The following GRIK2 variants were observed in gnomAD, a reference collection of about 807,000 sequenced individuals.
The protein encoded by GRIK2 is glutamate ionotropic receptor kainate type subunit 2.
Under a neutral mutation model 100.3 loss-of-function variants are expected in GRIK2, and 32 were observed. That is an observed-to-expected ratio of 0.32 (90% CI 0.24 to 0.43). GRIK2 has a LOEUF of 0.43. Among genes scored for constraint, GRIK2 ranks in the 20% least tolerant of loss-of-function variants. The pLI is 1.00. For missense variants in GRIK2, 843 were observed against 1,114.9 expected (o/e 0.76, Z 3.47); for synonymous variants, 417 against 389.4 (o/e 1.07, Z -0.83).
intron 14 of GRIK2, among the ~76,000 whole-genome samples, chr6:101,994,422 A>G (rs1204732673): frequency 1.3e-5 from 2 of 151,840 alleles, no homozygotes; most frequent in Non-Finnish European, 2.9e-5. Flanking sequence ...AATAGTGAAT[A>G]ATTTGTTTTT....
chr6:101,600,615 A>C (rs1733981422), intron 2 of GRIK2, among the ~76,000 whole-genome samples: 1 of 151,596 alleles, frequency 6.6e-6, no homozygotes, highest in African/African-American at 2.4e-5. Context: ...GAGAACTTTC[A>C]CCCTGTTGGT....
intron 2 of GRIK2, among the ~76,000 whole-genome samples, chr6:101,505,426 T>G (rs1773972481): frequency 6.6e-6 from 1 of 152,142 alleles, no homozygotes. Context: ...GCTTGCCAAC[T>G]CTTTCTCCTT....
chr6:101,906,201 C>G (rs1788208662), intron 12 of GRIK2, among the ~76,000 whole-genome samples: 1 of 151,532 alleles, frequency 6.6e-6, no homozygotes, highest in Non-Finnish European at 1.5e-5. Context: ...CCTATGTGAG[C>G]CTAGAATATT....
At position 102,049,573 on chromosome 6, in the gene GRIK2, T is replaced by C. The variant is rs556463590; in HGVS notation, c.2312-5757T>C. 3.3e-5 allele frequency among the ~76,000 whole-genome samples: 5 copies of C among 152,168 alleles called. No individual in the cohort carries two copies. In the South Asian group the frequency reaches 1.0e-3, roughly 31 times the overall value. On this transcript the variant is annotated intron_variant, in intron 15 of 16. Transcript: ENST00000369134. ...TGGAAGCCTTTACTTTGCTAATGTA[T>C]AATGTGAATTTGCATGAGATATATT...
chr6:101,437,417 A>C (rs1769784866), intron 2 of GRIK2, among the ~76,000 whole-genome samples: 1 of 152,078 alleles, frequency 6.6e-6, no homozygotes, highest in African/African-American at 2.4e-5. Flanking sequence ...AACGGTGTGA[A>C]TTAGGACAAA....
chr6:101,960,953 C>T (rs1269495510), intron 14 of GRIK2, among the ~76,000 whole-genome samples: 1 of 152,078 alleles, frequency 6.6e-6, no homozygotes, highest in Non-Finnish European at 1.5e-5. Flanking sequence ...CTGAAGGGTA[C>T]AGGTGGGACA....
chr6:101,917,696 A>G (rs1323382199), intron 12 of GRIK2, among the ~76,000 whole-genome samples: 6 of 151,528 alleles, frequency 4.0e-5, no homozygotes, highest in African/African-American at 1.5e-4. Context: ...CTCCTTAGCA[A>G]ATAGTAATCA....
At chr6:101,644,649 A>G (rs1278720656) in intron 4 of GRIK2, among the ~76,000 whole-genome samples, 1 of 151,884 alleles carries the variant, frequency 6.6e-6, no homozygotes, top group Admixed American at 6.6e-5. Context: ...CCAAGAATCA[A>G]TTAACTTTTT....
intron 2 of GRIK2, among the ~76,000 whole-genome samples, chr6:101,580,938 C>T (rs1778051317): frequency 6.6e-6 from 1 of 152,060 alleles, no homozygotes; most frequent in Non-Finnish European, 1.5e-5. Flanking sequence ...ACTCCTAGCA[C>T]TCCTAATTTT....
intron 16 of GRIK2, 31 bp from the exon 17 acceptor site, chr6:102,068,316 T>C (rs765853652): frequency 1.7e-5 from 25 of 1,506,920 alleles, no homozygotes; most frequent in African/African-American, 2.8e-5. Context: ...ATGTATCTTG[T>C]AATATTTAAT....
chr6:101,692,631 G>A (rs1448369247), intron 7 of GRIK2, among the ~76,000 whole-genome samples: 1 of 151,762 alleles, frequency 6.6e-6, no homozygotes, highest in African/African-American at 2.4e-5. Context: ...GAAAATTCTT[G>A]TTAAAATTTC....
At chr6:101,806,063 C>T (rs1213741527) in intron 9 of GRIK2, among the ~76,000 whole-genome samples, 3 of 152,064 alleles carry the variant, frequency 2.0e-5, no homozygotes, top group African/African-American at 7.2e-5. Context: ...AAAAGATCAC[C>T]GATACTGTAT....
intron 7 of GRIK2, among the ~76,000 whole-genome samples, chr6:101,746,205 C>T (rs1311291019): frequency 6.6e-6 from 1 of 152,160 alleles, no homozygotes; most frequent in Non-Finnish European, 1.5e-5. Flanking sequence ...ATCTCTCTAG[C>T]ATTTGGTGGT....
intron 2 of GRIK2, among the ~76,000 whole-genome samples, chr6:101,492,950 C>G (rs1483630536): frequency 6.6e-6 from 1 of 151,618 alleles, no homozygotes; most frequent in Non-Finnish European, 1.5e-5. Flanking sequence ...CAGAAATAAA[C>G]CGGCAGGTTT....
intron 10 of GRIK2, among the ~76,000 whole-genome samples, chr6:101,827,514 G>C (rs1782413842): frequency 6.6e-6 from 1 of 151,532 alleles, no homozygotes; most frequent in Non-Finnish European, 1.5e-5. Flanking sequence ...CAGTCTTTCT[G>C]CTATCTTCAG....
intron 2 of GRIK2, among the ~76,000 whole-genome samples, chr6:101,499,617 A>G (rs530702490): frequency 6.6e-6 from 1 of 151,946 alleles, no homozygotes; most frequent in South Asian, 2.1e-4. Flanking sequence ...ATCATTGCTA[A>G]TTTGTAATAG....
At chr6:101,658,616 G>A (rs1258968745) in intron 4 of GRIK2, among the ~76,000 whole-genome samples, 2 of 151,916 alleles carry the variant, frequency 1.3e-5, no homozygotes, top group African/African-American at 4.8e-5. Context: ...CTTGATCCTT[G>A]AGGAATCACC....
At chr6:101,934,825 A>G (rs1790517857) in intron 14 of GRIK2, among the ~76,000 whole-genome samples, 1 of 151,998 alleles carries the variant, frequency 6.6e-6, no homozygotes. Flanking sequence ...ACATTGAAAA[A>G]TGTCTTCTGA....
rs150169442 is a variant in GRIK2 at position 101,837,880 on chromosome 6, T to C, written c.1317+19397T>C. On this transcript the variant is annotated intron_variant, in intron 10 of 16. Coordinates refer to ENST00000369134, the MANE Select transcript of GRIK2 (RefSeq NM_021956.5). Reference sequence around the variant, plus strand: ...TGGTTTCCTGGGGCCTTATATTTAGTGTCAATTCTTCAAAAATGATAGGTA... The same window carrying C: ...TGGTTTCCTGGGGCCTTATATTTAGCGTCAATTCTTCAAAAATGATAGGTA... Among the ~76,000 whole-genome samples, 1,188 of 152,254 alleles carry C rather than the reference T, an allele frequency of 7.8e-3. 9 individuals carry two copies. The highest frequency in any genetic ancestry group is 0.058 in the Middle Eastern group (17 of 294).
Sources: allele counts gnomAD v4.1 joint callset (sites outside exome capture counted in the v4.1 genomes callset), GRCh38; gene constraint gnomAD v4.1.1; transcripts MANE v1.5; gene names NCBI Gene and HGNC (gene_info 2026-07-23, HGNC 2026-07-21).